The following SHTN1 variants were observed in gnomAD, a reference collection of about 807,000 sequenced individuals.
SHTN1 encodes shootin-1.
SHTN1 carries 42 observed loss-of-function variants against 83.1 expected under a neutral mutation model. The observed-to-expected ratio is 0.51, with a 90% CI of 0.39 to 0.65. The LOEUF (loss-of-function observed/expected upper bound fraction) is 0.65, where lower values mean the gene tolerates loss of function less well. Ranked by LOEUF, SHTN1 falls within the 30% of genes least tolerant of loss-of-function variation. SHTN1 has a pLI of 0.00. For missense variants in SHTN1, 622 were observed against 737.8 expected (o/e 0.84, Z 1.82); for synonymous variants, 224 against 247.7 (o/e 0.90, Z 0.90).
chr10:116,911,116 T>A (rs1292865192), intron 14 of SHTN1, among the ~76,000 whole-genome samples: 2 of 152,186 alleles, frequency 1.3e-5, no homozygotes, highest in Admixed American at 1.3e-4. Context: ...ATAGAGCTCT[T>A]AGTATCTGAA....
At chr10:117,062,655 A>G (rs1852920142) in intron 1 of SHTN1, among the ~76,000 whole-genome samples, 1 of 152,180 alleles carries the variant, frequency 6.6e-6, no homozygotes, top group Admixed American at 6.5e-5. Context: ...AGACATTGTA[A>G]TGTGTTATGA....
At chr10:117,036,145 A>C (rs1271187582) in intron 2 of SHTN1, among the ~76,000 whole-genome samples, 2 of 152,124 alleles carry the variant, frequency 1.3e-5, no homozygotes, top group Non-Finnish European at 2.9e-5. Flanking sequence ...ACAAATGCTG[A>C]CAAGGATGTG....
intron 2 of SHTN1, among the ~76,000 whole-genome samples, chr10:117,034,556 G>A (rs989056078): frequency 5.9e-5 from 9 of 152,056 alleles, no homozygotes; most frequent in Admixed American, 3.9e-4. Context: ...CAGGAGAATC[G>A]CTTGAACCTG....
intron 1 of SHTN1, among the ~76,000 whole-genome samples, chr10:117,063,991 A>G (rs2133597255): frequency 6.6e-6 from 1 of 152,306 alleles, no homozygotes; most frequent in African/African-American, 2.4e-5. Context: ...CAAAAGTATC[A>G]CTTCGGAATA....
At chr10:117,085,332 G>A (rs751133813) in intron 1 of SHTN1, among the ~76,000 whole-genome samples, 2 of 152,086 alleles carry the variant, frequency 1.3e-5, no homozygotes, top group Non-Finnish European at 2.9e-5. Context: ...ATTTTGATAA[G>A]TTGTATTTTT....
intron 16 of SHTN1, 79 bp from the exon 17 acceptor site, chr10:116,886,645 T>G: frequency 6.3e-7 from 1 of 1,575,396 alleles, no homozygotes; most frequent in South Asian, 1.2e-5. Context: ...GGATTCAGAC[T>G]AACATAAAAC....
chr10:117,085,768 T>C (rs1853341216), intron 1 of SHTN1, among the ~76,000 whole-genome samples: 1 of 152,340 alleles, frequency 6.6e-6, no homozygotes. Context: ...TGCAGTTCTC[T>C]CAGTTTTTGC....
chr10:117,109,552 A>AATTTT (rs1564962314), intron 1 of SHTN1, among the ~76,000 whole-genome samples: 2 of 16,568 alleles, frequency 1.2e-4, no homozygotes, highest in Non-Finnish European at 2.4e-4. Context: ...AACATATATT[A>AATTTT]CTTTTTTTTT....
intron 16 of SHTN1, among the ~76,000 whole-genome samples, chr10:116,895,069 A>G (rs902574739): frequency 6.6e-6 from 1 of 151,792 alleles, no homozygotes; most frequent in African/African-American, 2.4e-5. Context: ...TTAAAAAGGC[A>G]TAGAATAAAG....
At chr10:117,124,358 A>G (rs1246430532) in intron 1 of SHTN1, among the ~76,000 whole-genome samples, 1 of 152,198 alleles carries the variant, frequency 6.6e-6, no homozygotes, top group Admixed American at 6.5e-5. Context: ...CAGTGAAGCA[A>G]AACTCAGGAG....
intron 1 of SHTN1, among the ~76,000 whole-genome samples, chr10:117,056,368 CAAGT>C (rs1852826588): frequency 6.6e-6 from 1 of 152,108 alleles, no homozygotes; most frequent in African/African-American, 2.4e-5. Context: ...ACAGCACAAC[CAAGT>C]ATTTATTTCA....
intron 1 of SHTN1, among the ~76,000 whole-genome samples, chr10:116,981,543 C>G (rs1851018377): frequency 6.6e-6 from 1 of 152,042 alleles, no homozygotes; most frequent in South Asian, 2.1e-4. Flanking sequence ...TCACTTACAC[C>G]ACCACTGGGT....
chr10:116,903,955 G>A (rs1847856561), intron 15 of SHTN1, among the ~76,000 whole-genome samples: 1 of 152,138 alleles, frequency 6.6e-6, no homozygotes, highest in African/African-American at 2.4e-5. Flanking sequence ...ATGTCAGTTT[G>A]GTAGGACACA....
upstream of SHTN1, chr10:117,005,338 G>A (rs1851980967): frequency 1.5e-6 from 2 of 1,299,708 alleles, no homozygotes; most frequent in African/African-American, 1.6e-5. Context: ...GAGGAACGAG[G>A]GCGGGTCGGC....
intron 11 of SHTN1, among the ~76,000 whole-genome samples, chr10:116,922,342 G>C (rs1589808999): frequency 1.3e-5 from 2 of 151,616 alleles, no homozygotes; most frequent in Non-Finnish European, 2.9e-5. Flanking sequence ...AGTAACAGAA[G>C]TTCCCAAACC....
intron 1 of SHTN1, among the ~76,000 whole-genome samples, chr10:117,079,980 TG>T (rs1332144097): frequency 2.6e-5 from 2 of 78,278 alleles, no homozygotes; most frequent in Non-Finnish European, 4.8e-5. Flanking sequence ...TCTCCCATTT[TG>T]TAGGTTGCCT....
intron 3 of SHTN1, among the ~76,000 whole-genome samples, chr10:116,965,263 T>C (rs2133450895): frequency 6.6e-6 from 1 of 152,302 alleles, no homozygotes; most frequent in South Asian, 2.1e-4. Flanking sequence ...ACGCCTGTAA[T>C]CGCAGCACTT....
chr10:117,015,306 T>G (rs1057394372), intron 2 of SHTN1, among the ~76,000 whole-genome samples: 2 of 152,108 alleles, frequency 1.3e-5, no homozygotes, highest in Non-Finnish European at 2.9e-5. Context: ...TAATTTTTTT[T>G]GTTTGTTTTG....
chr10:117,085,506 TTG>T (rs1484966746), intron 1 of SHTN1, among the ~76,000 whole-genome samples: 1 of 152,228 alleles, frequency 6.6e-6, no homozygotes, highest in Non-Finnish European at 1.5e-5. Context: ...AGAGCATATT[TTG>T]TGAGTTTTCT....
Sources: gnomAD v4.1 joint callset for allele counts (sites outside exome capture counted in the v4.1 genomes callset) on GRCh38, gnomAD v4.1.1 for gene constraint, MANE v1.5 for transcripts, NCBI Gene and HGNC (gene_info 2026-07-23, HGNC 2026-07-21) for gene names.